The following OTOGL variants were observed in gnomAD, a reference collection of about 807,000 sequenced individuals.
The protein encoded by OTOGL is otogelin like.
Under a neutral mutation model 318.5 loss-of-function variants are expected in OTOGL, and 285 were observed. The ratio of observed to expected loss-of-function variants is 0.89; its 90% confidence interval spans 0.81 to 0.99. The LOEUF (loss-of-function observed/expected upper bound fraction) is 0.99. Among genes scored for constraint, OTOGL ranks in the 50% least tolerant of loss-of-function variants. The pLI is 0.00. For synonymous variants in OTOGL, 987 were observed against 936.5 expected (o/e 1.05, Z -0.99); for missense variants, 2,899 against 2,845.6 (o/e 1.02, Z -0.43).
Position 80,210,965 on chromosome 12 carries a change from T to A in OTOGL, c.119+79T>A, listed in dbSNP as rs896386573. On this transcript the variant is annotated intron_variant, in intron 3 of 58. Transcript: ENST00000547103. ...GCAAACCTCAGCAGGCAACTATATC[T>A]GCTTTTGAAAAAAATAAGTGAAATG... 9 of 951,650 alleles carry A rather than the reference T, an allele frequency of 9.5e-6. No individual in the cohort carries two copies. The African/African-American group carries it at 1.0e-4, about 11-fold the overall frequency. 59.0% of individuals were successfully genotyped at this position (951,650 alleles called of 1,614,324 possible). A position where few individuals can be genotyped will look rare whatever the true frequency, so the allele number is the denominator to read the frequency against.
intron 9 of OTOGL, among the ~76,000 whole-genome samples, chr12:80,238,143 C>A (rs959844750): frequency 6.6e-6 from 1 of 152,186 alleles, no homozygotes; most frequent in African/African-American, 2.4e-5. Context: ...GCACTCACTA[C>A]CAAATATCTG....
chr12:80,333,100 C>T, intron 38 of OTOGL, 22 bp downstream of exon 38: 4 of 1,552,314 alleles, frequency 2.6e-6, no homozygotes, highest in Non-Finnish European at 3.5e-6. Context: ...CAATATCTTC[C>T]AGCTCTTTGT....
rs767020671 is a variant in OTOGL, at chr12:80,336,420, T to G, written c.4608T>G (p.Cys1536Trp). 1.3e-6 allele frequency: 2 copies of G among 1,598,792 alleles called. No individual in the cohort carries two copies. Among genetic ancestry groups the G allele is most frequent in the Admixed American group, 3.5e-5 (2 of 57,508 alleles). Reference sequence around the variant, plus strand: ...TTTCCACCATTTTTATAGGTCGGTGTTCCATGTTGTCAGAACTGAGCATTA... The same window carrying G: ...TTTCCACCATTTTTATAGGTCGGTGGTCCATGTTGTCAGAACTGAGCATTA... ...CCPEWECPCRCSMLSELSIIT... is the reference protein window; with the variant it reads ...CCPEWECPCRWSMLSELSIIT... The change falls in exon 40 of 59, where the codon TGT (cysteine) becomes TGG (tryptophan). Residue 1536 changes from cysteine to tryptophan, a missense_variant. Cys to Trp is a radical substitution (Grantham distance 215). Around this residue, in one of 3 missense-constraint regions of OTOGL, gnomAD observed 2,607 missense variants for 2,524.9 expected, o/e 1.03. Transcript: ENST00000547103.
At chr12:80,367,831 T>G (rs1890643962) in intron 54 of OTOGL, 92 bp downstream of exon 54, 1 of 813,150 alleles carries the variant, frequency 1.2e-6, no homozygotes, top group East Asian at 3.1e-5. Flanking sequence ...CTCCATTAGT[T>G]TAAAATATAT....
chr12:80,307,554 C>T lies in OTOGL; in HGVS notation c.3333+1859C>T, dbSNP rs556485372. Among the ~76,000 whole-genome samples the T allele has an allele frequency of 3.5e-4, 51 of 144,386 alleles. 1 individual carries two copies. The highest frequency in any genetic ancestry group is 9.1e-5 in the Non-Finnish European group (6 of 66,074). 94.7% of individuals were successfully genotyped at this position (144,386 alleles called of 152,430 possible). A position where few individuals can be genotyped will look rare whatever the true frequency, so the allele number is the denominator to read the frequency against. On this transcript the variant is annotated intron_variant, in intron 29 of 58. Transcript: ENST00000547103. ...TCACCTCCGGGACGGGGCAGCTGGC[C>T]GGGTGGGGGGCTGACCCCCCAACCT...
intron 11 of OTOGL, among the ~76,000 whole-genome samples, chr12:80,240,044 C>A (rs752463518): frequency 2.0e-5 from 3 of 152,074 alleles, no homozygotes; most frequent in Non-Finnish European, 2.9e-5. Context: ...CATGTTGTTG[C>A]AAATTACAGG....
At position 80,336,403 on chromosome 12, in the gene OTOGL, A is replaced by G; in HGVS notation, c.4601-10A>G. The G allele has an allele frequency of 6.3e-7, 1 of 1,577,132 alleles. No individual in the cohort carries two copies. Among genetic ancestry groups the G allele is most frequent in the Non-Finnish European group, 8.6e-7 (1 of 1,165,312 alleles). On this transcript the variant is annotated splice_polypyrimidine_tract_variant and intron_variant, in intron 39 of 58. Coordinates refer to ENST00000547103, the MANE Select transcript of OTOGL (RefSeq NM_001378609.3). The stretch of plus-strand genomic sequence containing the variant: ...TAATAGACTAAATCCACTTTCCACC[A>G]TTTTTATAGGTCGGTGTTCCATGTT...
At chr12:80,355,231 T>TTC in intron 46 of OTOGL, among the ~76,000 whole-genome samples, 1 of 135,116 alleles carries the variant, frequency 7.4e-6, no homozygotes, top group African/African-American at 2.8e-5. Context: ...TTTCTTTTCT[T>TTC]TTTTTTTTTT....
intron 22 of OTOGL, 148 bp from the exon 23 acceptor site, chr12:80,269,954 C>A (rs1296954333): frequency 3.1e-6 from 2 of 652,176 alleles, no homozygotes; most frequent in Non-Finnish European, 5.2e-6. Flanking sequence ...GGACCTAACC[C>A]AACAGCTTGT....
intron 42 of OTOGL, among the ~76,000 whole-genome samples, chr12:80,337,242 A>G (rs1888471901): frequency 6.6e-6 from 1 of 152,064 alleles, no homozygotes; most frequent in South Asian, 2.1e-4. Flanking sequence ...TGTTAAATAC[A>G]CTAGCGACCT....
intron 1 of OTOGL, among the ~76,000 whole-genome samples, chr12:80,168,810 G>C (rs1252814628): frequency 6.6e-6 from 1 of 152,156 alleles, no homozygotes; most frequent in East Asian, 1.9e-4. Flanking sequence ...TGAGAAACTA[G>C]TTTCTAGTTT....
At chr12:80,359,550 A>C (rs1243695468) in intron 52 of OTOGL, among the ~76,000 whole-genome samples, 1 of 152,198 alleles carries the variant, frequency 6.6e-6, no homozygotes, top group African/African-American at 2.4e-5. Context: ...TTTCCTTCTC[A>C]AACAATGTGT....
intron 1 of OTOGL, among the ~76,000 whole-genome samples, chr12:80,156,557 G>A (rs1453020189): frequency 8.5e-5 from 13 of 152,138 alleles, no homozygotes; most frequent in Admixed American, 2.0e-4. Context: ...GAAGGGACCC[G>A]GTGGGAGATA....
intron 46 of OTOGL, 94 bp downstream of exon 46, chr12:80,353,604 TC>T: frequency 1.0e-6 from 1 of 992,320 alleles, no homozygotes; most frequent in Non-Finnish European, 1.3e-6. Context: ...CAAAGGTTTA[TC>T]AAAGACAGCC....
At chr12:80,239,033 T>C in intron 10 of OTOGL, 55 bp downstream of exon 10, 6 of 1,496,540 alleles carry the variant, frequency 4.0e-6, no homozygotes, top group East Asian at 4.7e-5. Flanking sequence ...ATATATCTTA[T>C]TTGTATAATT....
intron 44 of OTOGL, among the ~76,000 whole-genome samples, chr12:80,344,808 ACT>A (rs1566000721): frequency 7.0e-6 from 1 of 142,444 alleles, no homozygotes; most frequent in Non-Finnish European, 1.5e-5. Context: ...TAAACCCATC[ACT>A]CTCTTCACAA....
In OTOGL at chr12:80,356,625, A is replaced by T. The variant is rs1354050736; in HGVS notation, c.5911+105A>T. 5.1e-6 allele frequency: 5 copies of T among 984,500 alleles called. No homozygotes were observed. The African/African-American group carries it at 8.4e-5, about 17-fold the overall frequency. The allele number at this position is 984,500 out of a possible 1,614,324, so 61.0% of individuals were successfully genotyped here. A position where few individuals can be genotyped will look rare whatever the true frequency, so the allele number is the denominator to read the frequency against. On this transcript the variant is annotated intron_variant, in intron 48 of 58. Transcript: ENST00000547103. ...CTCCAAGAGAATGATTTATTATAAA[A>T]GATTGCGGACTTGTCTTGCTAATTT...
Position 80,365,300 on chromosome 12 carries a change from G to A in OTOGL, c.6268-1274G>A, listed in dbSNP as rs769747315. 5.9e-5 allele frequency among the ~76,000 whole-genome samples: 9 copies of A among 152,046 alleles called. No individual in the cohort carries two copies. In the East Asian group the frequency reaches 1.5e-3, roughly 26 times the overall value. On this transcript the variant is annotated intron_variant, in intron 52 of 58. Coordinates refer to ENST00000547103, the MANE Select transcript of OTOGL (RefSeq NM_001378609.3). ...ACAGGAGAGGGATGTTCATTTGGGA[G>A]TAAAAATTACCATATTTTTTCAGGT...
chr12:80,266,316 TC>T (rs1383386533), intron 20 of OTOGL, 134 bp from the exon 21 acceptor site: 1 of 901,890 alleles, frequency 1.1e-6, no homozygotes, highest in African/African-American at 1.7e-5. Flanking sequence ...TCTTTGAGCA[TC>T]CAAGTTAAGG....
Sources: gnomAD v4.1 joint callset for allele counts (sites outside exome capture counted in the v4.1 genomes callset) on GRCh38, gnomAD v4.1.1 for gene constraint, gnomAD v4.1.1 regional missense constraint, MANE v1.5 for transcripts, NCBI Gene and HGNC (gene_info 2026-07-23, HGNC 2026-07-21) for gene names.